ADH5: variants seen among roughly 807,000 people sequenced by gnomAD.
ADH5 encodes the protein alcohol dehydrogenase 5 (class III), chi polypeptide, also known as alcohol dehydrogenase class-3.
ADH5 carries 32 observed loss-of-function variants against 40.3 expected under a neutral mutation model. That is an observed-to-expected ratio of 0.79 (90% CI 0.60 to 1.07). The LOEUF is 1.07. Among genes scored for constraint, ADH5 ranks in the 50% least tolerant of loss-of-function variants. The pLI, the probability that ADH5 is intolerant of heterozygous loss-of-function variation, is 0.00. For synonymous variants in ADH5, 125 were observed against 154.3 expected (o/e 0.81, Z 1.41); for missense variants, 353 against 460.5 (o/e 0.77, Z 2.14).
Position 99,072,553 on chromosome 4 carries a change from TA to T in ADH5, c.1100+19del, listed in dbSNP as rs747454345. On this transcript the variant is annotated intron_variant, in intron 8 of 8. Coordinates refer to ENST00000296412, the MANE Select transcript of ADH5 (RefSeq NM_000671.4). ...TCAACATCATTATTACATTCTATGA[TA>T]TATAAAGAGAAAGCCTACCTCTTTC... The T allele has an allele frequency of 1.7e-5, 28 of 1,609,446 alleles. No homozygotes were observed. Among genetic ancestry groups the T allele is most frequent in the Non-Finnish European group, 2.4e-5 (28 of 1,178,286 alleles).
intron 7 of ADH5, among the ~76,000 whole-genome samples, chr4:99,074,340 C>T (rs757807742): frequency 6.6e-5 from 10 of 152,114 alleles, no homozygotes; most frequent in Non-Finnish European, 1.2e-4. Flanking sequence ...ACTGTTTCCC[C>T]GCAACCCCAA....
intron 2 of ADH5, among the ~76,000 whole-genome samples, chr4:99,084,643 C>A (rs1438195442): frequency 1.3e-5 from 2 of 152,194 alleles, no homozygotes; most frequent in African/African-American, 4.8e-5. Context: ...TCTTTTATTT[C>A]TTTGCTTCTC....
In ADH5 at chr4:99,088,752, A is replaced by C; in HGVS notation, c.-52T>G. 1.4e-6 allele frequency: 2 copies of C among 1,451,098 alleles called. No homozygotes were observed. Among genetic ancestry groups the C allele is most frequent in the South Asian group, 2.4e-5 (2 of 82,308 alleles). 89.9% of individuals were successfully genotyped at this position (1,451,098 alleles called of 1,614,324 possible). ...GGCTGACATCCGGGGTGGGCCGCGC[A>C]GCGACGGAGGCATGGGCGTGGCGAG... On this transcript the variant is annotated 5_prime_UTR_variant, in exon 1 of 9. Transcript: ENST00000296412.
Position 99,085,208 on chromosome 4 carries a change from C to T in ADH5, c.21G>A (p.Lys7=), listed in dbSNP as rs1479098883. The T allele has an allele frequency of 1.3e-6, 2 of 1,503,268 alleles. No homozygotes were observed. Among genetic ancestry groups the T allele is most frequent in the Non-Finnish European group, 1.8e-6 (2 of 1,121,932 alleles). 93.1% of individuals were successfully genotyped at this position (1,503,268 alleles called of 1,614,324 possible). The change falls in exon 2 of 9, where the codon AAG becomes AAA. Residue 7 remains lysine, a synonymous_variant. Coordinates refer to ENST00000296412, the MANE Select transcript of ADH5 (RefSeq NM_000671.4). The part of the protein sequence containing the change: MANEVI[K]CKAAVAWEAG... ...CCTCCCAAGCAACTGCAGCCTTGCA[C>T]TTGATAACCTGAAGTGGGGAAAAAA...
rs28730653 is a variant in ADH5, at chr4:99,071,092, T to A, written c.*1325A>T. The A allele has an allele frequency of 1.3e-5, 2 of 152,342 alleles. No homozygotes were observed. Among genetic ancestry groups the A allele is most frequent in the East Asian group, 3.9e-4 (2 of 5,194 alleles). The allele number at this position is 152,342 out of a possible 1,614,324, so 9.4% of individuals were successfully genotyped here. A position where few individuals can be genotyped will look rare whatever the true frequency, so the allele number is the denominator to read the frequency against. The stretch of plus-strand genomic sequence containing the variant: ...ATAAAACTGACAAATGATTGATGTC[T>A]AGAATAAAAGAACTCCTAAAAATTA... On this transcript the variant is annotated 3_prime_UTR_variant, in exon 9 of 9. Transcript: ENST00000296412.
chr4:99,086,855 G>A (rs930536427), intron 1 of ADH5, among the ~76,000 whole-genome samples: 2 of 146,550 alleles, frequency 1.4e-5, no homozygotes, highest in Non-Finnish European at 3.0e-5. Context: ...CAGGAGAACG[G>A]CGTGAACCCA....
chr4:99,072,261 C>T lies in ADH5; in HGVS notation c.*156G>A. 1.7e-6 allele frequency: 1 copy of T among 595,104 alleles called. No individual in the cohort carries two copies. The highest frequency in any genetic ancestry group is 3.5e-5 in the Admixed American group (1 of 28,438). The allele number at this position is 595,104 out of a possible 1,614,324, so 36.9% of individuals were successfully genotyped here. A position where few individuals can be genotyped will look rare whatever the true frequency, so the allele number is the denominator to read the frequency against. ...AGGTTCATGACTGAATTATCCTTGT[C>T]CTTGATTATAGAGATTCATGAATGA... is the stretch of plus-strand genomic sequence containing the variant. On this transcript the variant is annotated 3_prime_UTR_variant, in exon 9 of 9. Coordinates refer to ENST00000296412, the MANE Select transcript of ADH5 (RefSeq NM_000671.4).
intron 1 of ADH5, 111 bp downstream of exon 1, chr4:99,088,578 C>T: frequency 1.7e-6 from 2 of 1,181,152 alleles, no homozygotes; most frequent in Middle Eastern, 2.1e-4. Context: ...GAACCAAGAG[C>T]CAGATCCCGT....
At chr4:99,074,152 G>C (rs28730636) in intron 7 of ADH5, among the ~76,000 whole-genome samples, 1,631 of 152,202 alleles carry the variant, frequency 0.011, 23 homozygotes, top group African/African-American at 0.037. Context: ...GTTAAACACA[G>C]ATCATTCAAA....
Position 99,072,268 on chromosome 4 carries a change from T to C in ADH5, c.*149A>G, listed in dbSNP as rs1727848300. 3.2e-6 allele frequency: 2 copies of C among 633,890 alleles called. No homozygotes were observed. The highest frequency in any genetic ancestry group is 3.4e-5 in the Admixed American group (1 of 29,700). 39.3% of individuals were successfully genotyped at this position (633,890 alleles called of 1,614,324 possible). ...TGACTGAATTATCCTTGTCCTTGAT[T>C]ATAGAGATTCATGAATGACACACAT... is the stretch of plus-strand genomic sequence containing the variant. On this transcript the variant is annotated 3_prime_UTR_variant, in exon 9 of 9. Coordinates refer to ENST00000296412, the MANE Select transcript of ADH5 (RefSeq NM_000671.4).
intron 4 of ADH5, chr4:99,080,069 C>A: frequency 2.4e-6 from 1 of 410,334 alleles, no homozygotes; most frequent in Non-Finnish European, 4.7e-6. Flanking sequence ...GTACTGAATT[C>A]ACAAAAATAT....
intron 2 of ADH5, among the ~76,000 whole-genome samples, chr4:99,082,388 G>A (rs954712319): frequency 6.6e-6 from 1 of 152,176 alleles, no homozygotes; most frequent in African/African-American, 2.4e-5. Context: ...TTCAGCGCGC[G>A]TTAGCAAGAG....
chr4:99,081,863 A>G (rs1728031610), intron 3 of ADH5, 112 bp downstream of exon 3: 1 of 1,055,076 alleles, frequency 9.5e-7, no homozygotes, highest in Non-Finnish European at 1.3e-6. Context: ...AATCTTGACA[A>G]TCTACTTAGA....
chr4:99,081,896 G>T, intron 3 of ADH5, 79 bp downstream of exon 3: 1 of 1,434,712 alleles, frequency 7.0e-7, no homozygotes. Flanking sequence ...ATAAATAGTG[G>T]GTAGTTTTAT....
rs1192006164 is a variant in ADH5 at position 99,076,868 on chromosome 4, C to T, written c.400G>A (p.Gly134Arg). The change falls in exon 5 of 9, where the codon GGA (glycine) becomes AGA (arginine). Residue 134 changes from glycine (G) to arginine (R), a missense_variant. Physicochemically the swap from Gly to Arg is moderately radical, Grantham distance 125 (BLOSUM62 -2). Transcript: ENST00000296412. ...PDGTSRFTCK[G>R]KTILHYMGTS... ...CCCATGTAATGCAAAATTGTCTTTC[C>T]TTTGCAAGTAAATCTGCTGGTACCA... 6.2e-7 allele frequency: 1 copy of T among 1,613,750 alleles called. No individual in the cohort carries two copies. Among genetic ancestry groups the T allele is most frequent in the Non-Finnish European group, 8.5e-7 (1 of 1,179,816 alleles).
At position 99,082,065 on chromosome 4, in the gene ADH5, C is replaced by A. The variant is rs1390032250; in HGVS notation, c.166G>T (p.Asp56Tyr). 6.2e-7 allele frequency: 1 copy of A among 1,613,824 alleles called. No individual in the cohort carries two copies. Among genetic ancestry groups the A allele is most frequent in the Non-Finnish European group, 8.5e-7 (1 of 1,179,858 alleles). The stretch of plus-strand genomic sequence containing the variant: ...ATCACTGGAAAACAACCCTCAGGAT[C>A]AGCTCCACTCAGGGTATAGGCATCG... ...HTDAYTLSGA[D>Y]PEGCFPVILG... Residue 56 changes from aspartate (D) to tyrosine (Y), a missense_variant, in exon 3 of 9, where the codon GAT becomes TAT. Asp to Tyr is a radical substitution (Grantham distance 160). Coordinates refer to ENST00000296412, the MANE Select transcript of ADH5 (RefSeq NM_000671.4).
rs1727932772 is a variant in ADH5, at chr4:99,076,443, T to C, written c.674A>G (p.Asn225Ser). Residue 225 changes from asparagine to serine, a missense_variant, in exon 6 of 9, where the codon AAT becomes AGT. By Grantham distance (46) the Asn-to-Ser change is conservative. Transcript: ENST00000296412. ...GASRIIGVDI[N>S]KDKFARAKEF... ...TTTGGCCCTTGCAAATTTATCTTTA[T>C]TGATGTCCACACCAATGATCCGGGA... 1 of 1,614,202 alleles carries C rather than the reference T, an allele frequency of 6.2e-7. No individual in the cohort carries two copies. The highest frequency in any genetic ancestry group is 8.5e-7 in the Non-Finnish European group (1 of 1,180,038).
chr4:99,075,187 A>C, intron 6 of ADH5, 138 bp from the exon 7 acceptor site: 3 of 655,798 alleles, frequency 4.6e-6, no homozygotes, highest in Non-Finnish European at 7.2e-6. Context: ...TAGTGAGCTC[A>C]ATGTTATTGA....
At chr4:99,077,198 G>C (rs1436896543) in intron 4 of ADH5, among the ~76,000 whole-genome samples, 2 of 152,100 alleles carry the variant, frequency 1.3e-5, no homozygotes, top group African/African-American at 4.8e-5. Context: ...TACAACTTAT[G>C]GATCAGATGG....
Sources: gnomAD v4.1 joint callset for allele counts (sites outside exome capture counted in the v4.1 genomes callset) on GRCh38, gnomAD v4.1.1 for gene constraint, MANE v1.5 for transcripts, NCBI Gene and HGNC (gene_info 2026-07-23, HGNC 2026-07-21) for gene names.